Variants in SPECC1 observed in about 807,000 individuals in gnomAD.
SPECC1 encodes sperm antigen with calponin homology and coiled-coil domains 1.
A neutral mutation model predicts 104.1 loss-of-function variants in SPECC1; 62 were observed. That is an observed-to-expected ratio of 0.60 (90% CI 0.49 to 0.74). The LOEUF (loss-of-function observed/expected upper bound fraction) is 0.74. SPECC1 is among the 30% of genes least tolerant of loss of function. The pLI, the probability that SPECC1 is intolerant of heterozygous loss-of-function variation, is 0.00. For missense variants in SPECC1, 1,306 were observed against 1,310.5 expected, an observed-to-expected ratio of 1.00 and a Z score of 0.05; for synonymous variants, 513 against 501.6, an observed-to-expected ratio of 1.02 and a Z score of -0.30.
chr17:20,254,063 T>C (rs1237945708), intron 10 of SPECC1, among the ~76,000 whole-genome samples: 1 of 152,098 alleles, frequency 6.6e-6, no homozygotes, highest in Non-Finnish European at 1.5e-5. Context: ...GTCTGCTACT[T>C]CTGCAATTCT....
At chr17:20,286,298 G>A (rs949265834) in intron 12 of SPECC1, among the ~76,000 whole-genome samples, 1 of 152,158 alleles carries the variant, frequency 6.6e-6, no homozygotes, top group Non-Finnish European at 1.5e-5. Context: ...ATACCAGAAG[G>A]TAACAGCCTA....
chr17:20,052,359 C>A (rs1302904126), intron 1 of SPECC1, among the ~76,000 whole-genome samples: 1 of 152,172 alleles, frequency 6.6e-6, no homozygotes, highest in Non-Finnish European at 1.5e-5. Flanking sequence ...AGAAAAGGAA[C>A]TACATTTGTA....
chr17:20,050,246 GCTCCTT>G (rs1393435554), intron 1 of SPECC1, among the ~76,000 whole-genome samples: 4 of 152,060 alleles, frequency 2.6e-5, no homozygotes, highest in African/African-American at 9.7e-5. Context: ...AATATTTGGT[GCTCCTT>G]CAGTTACTCC....
intron 1 of SPECC1, among the ~76,000 whole-genome samples, chr17:20,046,845 C>T (rs918186913): frequency 2.8e-5 from 4 of 142,614 alleles, no homozygotes; most frequent in Admixed American, 7.5e-5. Context: ...GGAGACACGT[C>T]ACAAGGATCC....
intron 1 of SPECC1, among the ~76,000 whole-genome samples, chr17:20,049,161 A>G (rs1881200226): frequency 6.6e-6 from 1 of 152,188 alleles, no homozygotes; most frequent in African/African-American, 2.4e-5. Context: ...AGAAGCCATC[A>G]GTATATATAT....
chr17:20,044,107 G>T (rs1314197426), intron 1 of SPECC1, among the ~76,000 whole-genome samples: 4 of 152,038 alleles, frequency 2.6e-5, no homozygotes, highest in African/African-American at 9.7e-5. Flanking sequence ...CTAATGTTCT[G>T]CCTGTGTGGA....
intron 3 of SPECC1, among the ~76,000 whole-genome samples, chr17:20,115,468 C>T (rs1597739377): frequency 6.6e-6 from 1 of 151,414 alleles, no homozygotes; most frequent in Non-Finnish European, 1.5e-5. Context: ...GCAAGACTGT[C>T]TCAAATAAAT....
At chr17:20,221,471 A>G (rs1243959339) in intron 4 of SPECC1, among the ~76,000 whole-genome samples, 1 of 152,114 alleles carries the variant, frequency 6.6e-6, no homozygotes, top group Non-Finnish European at 1.5e-5. Context: ...GTAGTCTCTA[A>G]TGATCCTTTG....
intron 4 of SPECC1, among the ~76,000 whole-genome samples, chr17:20,223,769 C>G (rs999306902): frequency 1.3e-4 from 20 of 152,114 alleles, no homozygotes; most frequent in Non-Finnish European, 1.5e-5. Flanking sequence ...TGAGCTTCCT[C>G]AAAACAGCTA....
chr17:20,072,842 T>C (rs1038762266), intron 1 of SPECC1, among the ~76,000 whole-genome samples: 3 of 152,206 alleles, frequency 2.0e-5, no homozygotes, highest in African/African-American at 7.2e-5. Flanking sequence ...GGCCCGCTGA[T>C]AGAGTTCTTG....
intron 3 of SPECC1, among the ~76,000 whole-genome samples, chr17:20,145,092 C>T (rs929319896): frequency 3.3e-5 from 5 of 152,116 alleles, no homozygotes; most frequent in African/African-American, 9.7e-5. Context: ...TCTGTGAATC[C>T]TGAAATGTTG....
rs1597609124 is a variant in SPECC1 at position 20,045,351 on chromosome 17, T to G, written c.-22+35927T>G. Reference sequence around the variant, plus strand: ...ATTGAGACATATGGATTATTTCTTGTTTTTTGCTATTATAAACAATGCTGC... The same window carrying G: ...ATTGAGACATATGGATTATTTCTTGGTTTTTGCTATTATAAACAATGCTGC... On this transcript the variant is annotated intron_variant, in intron 1 of 14. Transcript: ENST00000395527. Among the ~76,000 whole-genome samples, 2 of 133,102 alleles carry G rather than the reference T, an allele frequency of 1.5e-5. 1 individual carries two copies. Among genetic ancestry groups the G allele is most frequent in the Admixed American group, 1.4e-4 (2 of 14,236 alleles). The allele number at this position is 133,102 out of a possible 152,430, so 87.3% of individuals were successfully genotyped here. A position where few individuals can be genotyped will look rare whatever the true frequency, so the allele number is the denominator to read the frequency against.
intron 12 of SPECC1, among the ~76,000 whole-genome samples, chr17:20,262,263 T>C (rs370681856): frequency 1.3e-5 from 2 of 152,232 alleles, no homozygotes; most frequent in Non-Finnish European, 2.9e-5. Flanking sequence ...AACGCTGTTA[T>C]GTTCTTGTGC....
intron 12 of SPECC1, 129 bp downstream of exon 12, chr17:20,260,423 G>A: frequency 2.7e-6 from 2 of 738,500 alleles, no homozygotes; most frequent in Admixed American, 3.0e-5. Context: ...TATTCTCCTA[G>A]GCAGGGCTGC....
chr17:20,292,570 TC>T, intron 12 of SPECC1, among the ~76,000 whole-genome samples: 1 of 152,180 alleles, frequency 6.6e-6, no homozygotes, highest in Non-Finnish European at 1.5e-5. Context: ...CGTCAGGTGA[TC>T]CGCTCACCTC....
chr17:20,297,588 C>T (rs936198485), intron 13 of SPECC1, among the ~76,000 whole-genome samples: 3 of 152,238 alleles, frequency 2.0e-5, no homozygotes, highest in Non-Finnish European at 2.9e-5. Context: ...ACGTAATAGA[C>T]TCAGTGGGTC....
At position 20,190,863 on chromosome 17, in the gene SPECC1, A is replaced by G. The variant is rs571873368; in HGVS notation, c.284-13470A>G. 4.6e-5 allele frequency among the ~76,000 whole-genome samples: 7 copies of G among 152,032 alleles called. No individual in the cohort carries two copies. The South Asian group carries it at 6.2e-4, about 14-fold the overall frequency. On this transcript the variant is annotated intron_variant, in intron 3 of 14. Transcript: ENST00000395527. ...CAGTAGCTCACCTGTGCCTGGCTCTACTTATTCATTCCTCCCTCCCCCCAA... is the reference window on the plus strand; with the variant it reads ...CAGTAGCTCACCTGTGCCTGGCTCTGCTTATTCATTCCTCCCTCCCCCCAA...
rs935546123 is a variant in SPECC1 at position 20,274,333 on chromosome 17, C to T, written c.2940+14039C>T. Among the ~76,000 whole-genome samples, 7 of 152,258 alleles carry T rather than the reference C, an allele frequency of 4.6e-5. No homozygotes were observed. In the South Asian group the frequency reaches 8.3e-4, roughly 18 times the overall value. ...GAGAAATGAGAGCAGGACCTGAGTG[C>T]GGCACAGCGCCCTGGGCCTCAGCCA... On this transcript the variant is annotated intron_variant, in intron 12 of 14. Coordinates refer to ENST00000395527, the MANE Select transcript of SPECC1 (RefSeq NM_001243439.2).
chr17:20,181,723 A>G (rs569382429), intron 3 of SPECC1, among the ~76,000 whole-genome samples: 46 of 152,238 alleles, frequency 3.0e-4, no homozygotes, highest in African/African-American at 1.1e-3. Flanking sequence ...CCTTTTTTCT[A>G]TGCCATCAAT....
Sources: gnomAD v4.1 joint callset for allele counts (sites outside exome capture counted in the v4.1 genomes callset) on GRCh38, gnomAD v4.1.1 for gene constraint, MANE v1.5 for transcripts, NCBI Gene and HGNC (gene_info 2026-07-23, HGNC 2026-07-21) for gene names.